GLI3: variants seen among roughly 807,000 people sequenced by gnomAD.
GLI3 encodes the protein transcription activator GLI3.
A neutral mutation model predicts 100.8 loss-of-function variants in GLI3; 20 were observed. That is an observed-to-expected ratio of 0.20 (90% CI 0.14 to 0.29). GLI3 has a LOEUF of 0.29. GLI3 is among the 10% of genes least tolerant of loss of function. GLI3 has a pLI of 1.00. For missense variants in GLI3, 2,040 were observed against 2,128.5 expected (o/e 0.96, Z 0.82); for synonymous variants, 938 against 860.5 (o/e 1.09, Z -1.58).
Position 41,966,020 on chromosome 7 carries a change from A to G in GLI3, c.3053T>C (p.Leu1018Pro), listed in dbSNP as rs2128705938. Residue 1018 changes from leucine (L) to proline (P), a missense_variant, in exon 15 of 15, where the codon CTG becomes CCG. Leu to Pro is a moderately conservative substitution (Grantham distance 98, BLOSUM62 -3). Transcript: ENST00000395925. This position sits in a 1 kb window ranked among gnomAD's most constrained non-coding sequence, Gnocchi z 5.8. ...GCTGCTGAAGCGCGGCACACGAGGCAGGGCCAGGCCCTCGGAGCCTGTCCG... is the reference window on the plus strand; with the variant it reads ...GCTGCTGAAGCGCGGCACACGAGGCGGGGCCAGGCCCTCGGAGCCTGTCCG... ...PVRTGSEGLALPRVPRFSSLS... is the reference protein window; with the variant it reads ...PVRTGSEGLAPPRVPRFSSLS... The G allele has an allele frequency of 1.3e-6, 2 of 1,596,876 alleles. No individual in the cohort carries two copies. The highest frequency in any genetic ancestry group is 1.1e-5 in the South Asian group (1 of 90,432).
chr7:42,174,926 G>A (rs1787449326), intron 2 of GLI3, among the ~76,000 whole-genome samples: 1 of 152,200 alleles, frequency 6.6e-6, no homozygotes, highest in Non-Finnish European at 1.5e-5. Context: ...CGCAGGGGAA[G>A]TGTTCTATAG....
Position 41,965,319 on chromosome 7 carries a change from G to A in GLI3, c.3754C>T (p.Pro1252Ser). The change falls in exon 15 of 15, where the codon CCG becomes TCG. Residue 1252 changes from proline (P) to serine (S), a missense_variant. Physicochemically the swap from Pro to Ser is moderately conservative, Grantham distance 74 (BLOSUM62 -1). Transcript: ENST00000395925. The stretch of plus-strand genomic sequence containing the variant: ...CTGTTGAGACAGTTCCCATACTGCG[G>A]GGCCTTACAGGGCTGTTCATGGAAG... ...NAFHEQPCKA[P>S]QYGNCLNRQP... is the part of the protein sequence containing the mutation. 2 of 1,613,908 alleles carry A rather than the reference G, an allele frequency of 1.2e-6. No individual in the cohort carries two copies. Among genetic ancestry groups the A allele is most frequent in the African/African-American group, 1.3e-5 (1 of 75,038 alleles).
chr7:42,135,174 C>A (rs141091795), intron 3 of GLI3, among the ~76,000 whole-genome samples: 1 of 152,080 alleles, frequency 6.6e-6, no homozygotes, highest in South Asian at 2.1e-4. Context: ...AAATCTAGAA[C>A]GCTAAGGTCA....
intron 1 of GLI3, among the ~76,000 whole-genome samples, chr7:42,254,061 A>G (rs922342923): frequency 2.6e-5 from 4 of 152,066 alleles, no homozygotes; most frequent in Non-Finnish European, 5.9e-5. Context: ...CTTTGCTAAA[A>G]ATACAAAATT....
rs1488261244 is a variant in GLI3, at chr7:42,074,376, T to C, written c.473+2376A>G. On this transcript the variant is annotated intron_variant, in intron 4 of 14. Transcript: ENST00000395925. ...CTCTCAGACTGGGCCAATGTGAGTG[T>C]CCACTGAGCACCTTTTACAAAGTGC... Among the ~76,000 whole-genome samples the C allele has an allele frequency of 2.0e-5, 3 of 152,186 alleles. No individual in the cohort carries two copies. The South Asian group carries it at 6.2e-4, about 32-fold the overall frequency.
chr7:42,177,028 T>C (rs1447217553), intron 2 of GLI3, among the ~76,000 whole-genome samples: 1 of 152,202 alleles, frequency 6.6e-6, no homozygotes, highest in Non-Finnish European at 1.5e-5. Flanking sequence ...TCCATCCCTG[T>C]CTAATTCACC....
chr7:42,083,168 A>T (rs1268986392), intron 3 of GLI3, among the ~76,000 whole-genome samples: 1 of 152,172 alleles, frequency 6.6e-6, no homozygotes, highest in Non-Finnish European at 1.5e-5. Context: ...TGTACCCATT[A>T]ACCATTCCCA....
At chr7:42,151,813 A>C (rs1328266199) in intron 2 of GLI3, 1 of 152,224 alleles carries the variant, frequency 6.6e-6, no homozygotes, top group Non-Finnish European at 1.5e-5. Flanking sequence ...TGCCCAAAGC[A>C]TCACGTTTTA....
At chr7:42,151,919 T>C (rs1288959072) in intron 2 of GLI3, 2 of 148,442 alleles carry the variant, frequency 1.3e-5, no homozygotes, top group South Asian at 4.2e-4. Flanking sequence ...AAAAGTGGGG[T>C]CCTTGCAAGC....
At chr7:42,009,635 T>C (rs1464858357) in intron 10 of GLI3, among the ~76,000 whole-genome samples, 1 of 152,180 alleles carries the variant, frequency 6.6e-6, no homozygotes, top group African/African-American at 2.4e-5. Context: ...TGGGCACGCA[T>C]GCTTCCTTTT....
At chr7:42,120,565 C>T (rs886476683) in intron 3 of GLI3, among the ~76,000 whole-genome samples, 5 of 152,124 alleles carry the variant, frequency 3.3e-5, no homozygotes, top group African/African-American at 7.2e-5. Flanking sequence ...AATGCATCGG[C>T]GAGGTACTGT....
chr7:42,153,186 T>A (rs996159457), intron 2 of GLI3, among the ~76,000 whole-genome samples: 2 of 152,138 alleles, frequency 1.3e-5, no homozygotes, highest in Non-Finnish European at 2.9e-5. Flanking sequence ...TCCTTTCAAG[T>A]TTCAAAGTCC....
rs75454890 is a variant in GLI3, at chr7:42,046,256, T to C, written c.680-726A>G. On this transcript the variant is annotated intron_variant, in intron 5 of 14. Coordinates refer to ENST00000395925, the MANE Select transcript of GLI3 (RefSeq NM_000168.6). ...GTTCTGAGGGTGGCCTCCAGACTCA[T>C]AGAGATCTGGATTTAAACTGGCTCC... 6.9e-3 allele frequency among the ~76,000 whole-genome samples: 1,053 copies of C among 152,298 alleles called. 15 individuals are homozygous for C. The highest frequency in any genetic ancestry group is 0.023 in the African/African-American group (959 of 41,560).
At chr7:42,262,083 T>C (rs975410208) in intron 1 of GLI3, among the ~76,000 whole-genome samples, 1 of 151,638 alleles carries the variant, frequency 6.6e-6, no homozygotes, top group African/African-American at 2.4e-5. Context: ...TTTCTTTCTT[T>C]TTCTCACTCT....
chr7:42,188,900 T>C (rs986051807), intron 2 of GLI3, among the ~76,000 whole-genome samples: 6 of 152,178 alleles, frequency 3.9e-5, no homozygotes, highest in African/African-American at 7.2e-5. Flanking sequence ...CTCTGTATAA[T>C]ACTATAATGG....
rs570829886 is a variant in GLI3 at position 42,056,859 on chromosome 7, G to A, written c.474-8163C>T. On this transcript the variant is annotated intron_variant, in intron 4 of 14. Transcript: ENST00000395925. ...TAGCCGGGCATGGTGGTGTATGCCT[G>A]TAATCCCAGCTACTTGCAAGGCTGA... Among the ~76,000 whole-genome samples, 21 of 151,330 alleles carry A rather than the reference G, an allele frequency of 1.4e-4. No individual in the cohort carries two copies. The South Asian group carries it at 4.4e-3, about 32-fold the overall frequency.
At chr7:42,217,140 T>C (rs1788393966) in intron 2 of GLI3, among the ~76,000 whole-genome samples, 1 of 151,616 alleles carries the variant, frequency 6.6e-6, no homozygotes, top group African/African-American at 2.4e-5. Flanking sequence ...GGTGTGAGGG[T>C]TTTCACCACA....
chr7:42,145,198 C>T (rs1786672035), intron 3 of GLI3: 1 of 176,978 alleles, frequency 5.7e-6, no homozygotes, highest in Non-Finnish European at 1.2e-5. Flanking sequence ...ACTTGTGATA[C>T]TGGCAGGAGA....
intron 3 of GLI3, among the ~76,000 whole-genome samples, chr7:42,132,726 T>C (rs1448966242): frequency 1.3e-5 from 2 of 152,216 alleles, no homozygotes; most frequent in Non-Finnish European, 2.9e-5. Context: ...AGCCTCACAA[T>C]TGTCATTCAA....
Sources: allele counts gnomAD v4.1 joint callset (sites outside exome capture counted in the v4.1 genomes callset), GRCh38; gene constraint gnomAD v4.1.1; non-coding constraint Gnocchi (gnomAD v3.1); transcripts MANE v1.5; gene names NCBI Gene and HGNC (gene_info 2026-07-23, HGNC 2026-07-21).